Variants in CHST7 observed in about 807,000 individuals in gnomAD.
CHST7 encodes N-acetylglucosamine 6-O-sulfotransferase 4.
In CHST7, 5 loss-of-function variants were observed where a neutral mutation model predicts 9.0. The observed-to-expected ratio is 0.56, with a 90% CI of 0.29 to 1.17. CHST7 has a LOEUF of 1.17. Ranked by LOEUF, CHST7 falls within the 50% of genes most tolerant of loss-of-function variation. The pLI is 0.08. For synonymous variants in CHST7, 244 were observed against 237.1 expected (o/e 1.03, Z -0.27); for missense variants, 377 against 485.1 (o/e 0.78, Z 2.09).
Position 46,575,185 on chromosome X carries a change from G to T in CHST7, c.1254G>T (p.Arg418=). The change falls in exon 1 of 2, where the codon CGG becomes CGT. Residue 418 remains arginine, a synonymous_variant. Transcript: ENST00000276055. ...GCGGCGCGGCCTACGGCGCCGACCG[G>T]CCCTTCCACCTGTCAGCGCGCGACG... ...MTRGAAYGAD[R]PFHLSARDAR... is the part of the protein sequence containing the mutation. 5 of 1,103,811 alleles carry T rather than the reference G, an allele frequency of 4.5e-6. No homozygotes were observed. The highest frequency in any genetic ancestry group is 3.5e-6 in the Non-Finnish European group (3 of 851,168). The allele number at this position is 1,103,811 out of a possible 1,213,427, so 91.0% of individuals were successfully genotyped here.
At chrX:46,581,426 C>T (rs1428184958) in intron 1 of CHST7, among the ~76,000 whole-genome samples, 9 of 102,143 alleles carry the variant, frequency 8.8e-5, no homozygotes, top group Admixed American at 1.1e-4. Context: ...CATGGTGGCG[C>T]GTGCCTGTAA....
At position 46,575,165 on chromosome X, in the gene CHST7, G is replaced by A. The variant is rs762875012; in HGVS notation, c.1234G>A (p.Ala412Thr). ...DAFALNMTRG[A>T]AYGADRPFHL... is the part of the protein sequence containing the mutation. ...CTTCGCGCTCAACATGACTCGCGGCGCGGCCTACGGCGCCGACCGGCCCTT... is the reference window on the plus strand; with the variant it reads ...CTTCGCGCTCAACATGACTCGCGGCACGGCCTACGGCGCCGACCGGCCCTT... Residue 412 changes from alanine (A) to threonine (T), a missense_variant, in exon 1 of 2, where the codon GCG becomes ACG. By Grantham distance (58) the Ala-to-Thr change is moderately conservative. Coordinates refer to ENST00000276055, the MANE Select transcript of CHST7 (RefSeq NM_019886.4). The A allele has an allele frequency of 1.1e-5, 12 of 1,094,643 alleles. No homozygotes were observed. In the South Asian group the frequency reaches 2.2e-4, roughly 20 times the overall value. 90.2% of individuals were successfully genotyped at this position (1,094,643 alleles called of 1,213,427 possible). A position where few individuals can be genotyped will look rare whatever the true frequency, so the allele number is the denominator to read the frequency against.
intron 1 of CHST7, among the ~76,000 whole-genome samples, chrX:46,583,889 C>G (rs1382284363): frequency 8.9e-6 from 1 of 112,361 alleles, no homozygotes; most frequent in African/African-American, 3.2e-5. Flanking sequence ...AACCCCCACA[C>G]CCTTTGCAGC....
chrX:46,595,061 G>A (rs1247562432), intron 1 of CHST7, among the ~76,000 whole-genome samples: 1 of 112,017 alleles, frequency 8.9e-6, no homozygotes, highest in African/African-American at 3.2e-5. Context: ...TCAAATTTTT[G>A]TTATTGTATT....
intron 1 of CHST7, among the ~76,000 whole-genome samples, chrX:46,578,330 A>T (rs1411727585): frequency 1.3e-5 from 1 of 79,149 alleles, no homozygotes; most frequent in Non-Finnish European, 2.2e-5. Context: ...AGGCTGGAGT[A>T]CAGTGGTGTA....
chrX:46,583,011 GTTGGGAGTGAAGC>G (rs1343292639), intron 1 of CHST7, among the ~76,000 whole-genome samples: 1 of 107,503 alleles, frequency 9.3e-6, no homozygotes, highest in East Asian at 2.9e-4. Flanking sequence ...AATATAAATA[GTTGGGAGTGAAGC>G]TTTTGAAAAA....
intron 1 of CHST7, among the ~76,000 whole-genome samples, chrX:46,578,660 A>C (rs1942511290): frequency 9.1e-6 from 1 of 109,731 alleles, no homozygotes; most frequent in South Asian, 4.0e-4. Flanking sequence ...TCCTGAGCTC[A>C]AGCTATCTGC....
At chrX:46,580,810 T>C (rs771848324) in intron 1 of CHST7, among the ~76,000 whole-genome samples, 67 of 111,689 alleles carry the variant, frequency 6.0e-4, no homozygotes, top group Non-Finnish European at 8.3e-4. Context: ...TGAAGTCAGT[T>C]TTTGAATTAC....
intron 1 of CHST7, among the ~76,000 whole-genome samples, chrX:46,581,565 A>AT (rs1266333228): frequency 7.9e-5 from 8 of 101,270 alleles, no homozygotes; most frequent in Middle Eastern, 4.8e-3. Context: ...CAGAAAAAAA[A>AT]ATTGTAGAAA....
chrX:46,583,465 C>G (rs1283134191), intron 1 of CHST7, among the ~76,000 whole-genome samples: 2 of 111,956 alleles, frequency 1.8e-5, no homozygotes, highest in Admixed American at 1.9e-4. Context: ...CTCCCCGGCC[C>G]GCTTGGCACC....
chrX:46,596,452 G>T (rs971750981), intron 1 of CHST7, among the ~76,000 whole-genome samples: 1 of 110,455 alleles, frequency 9.1e-6, no homozygotes, highest in African/African-American at 3.3e-5. Context: ...GGGGTGGGGG[G>T]TAATGGTGTG....
chrX:46,577,909 C>CA (rs1942507074), intron 1 of CHST7, among the ~76,000 whole-genome samples: 1 of 112,158 alleles, frequency 8.9e-6, no homozygotes, highest in Admixed American at 9.5e-5. Context: ...ATCCTCCCCA[C>CA]AGGGCATCTC....
In CHST7 at chrX:46,597,859, C is replaced by T. The variant is rs919582028; in HGVS notation, c.*131C>T. 3 of 113,218 alleles carry T rather than the reference C, an allele frequency of 2.6e-5. No homozygotes were observed. Among genetic ancestry groups the T allele is most frequent in the African/African-American group, 9.6e-5 (3 of 31,137 alleles). The allele number at this position is 113,218 out of a possible 1,213,427, so 9.3% of individuals were successfully genotyped here. On this transcript the variant is annotated 3_prime_UTR_variant, in exon 2 of 2. Coordinates refer to ENST00000276055, the MANE Select transcript of CHST7 (RefSeq NM_019886.4). ...CACACTCTCAGAGTCTGGGACTTGA[C>T]TTGCTACCAACAACTGCTGTGCAAT... is the stretch of plus-strand genomic sequence containing the variant.
chrX:46,597,679 T>C (rs989079669), intron 1 of CHST7, 81 bp from the exon 2 acceptor site: 3 of 112,873 alleles, frequency 2.7e-5, no homozygotes, highest in Non-Finnish European at 3.7e-5. Flanking sequence ...AAAGGCCTTA[T>C]GTCATCAGGG....
At position 46,575,275 on chromosome X, in the gene CHST7, C is replaced by T. The variant is rs1254290107; in HGVS notation, c.1344C>T (p.Ala448=). 1 of 1,107,960 alleles carries T rather than the reference C, an allele frequency of 9.0e-7. No individual in the cohort carries two copies. The highest frequency in any genetic ancestry group is 1.2e-6 in the Non-Finnish European group (1 of 848,914). The allele number at this position is 1,107,960 out of a possible 1,213,427, so 91.3% of individuals were successfully genotyped here. ...LSREQVRQVE[A]ACAPAMRLLA... is the part of the protein sequence containing the mutation. The stretch of plus-strand genomic sequence containing the variant: ...GAGAGCAGGTGCGCCAGGTGGAGGC[C>T]GCCTGCGCTCCAGCCATGCGTCTGC... Residue 448 remains alanine (A), a synonymous_variant, in exon 1 of 2, where the codon GCC becomes GCT. Coordinates refer to ENST00000276055, the MANE Select transcript of CHST7 (RefSeq NM_019886.4).
At chrX:46,585,986 C>T (rs908480452) in intron 1 of CHST7, among the ~76,000 whole-genome samples, 3 of 111,710 alleles carry the variant, frequency 2.7e-5, no homozygotes, top group Non-Finnish European at 5.7e-5. Context: ...GACAAGTGAT[C>T]CGCCTGCCTC....
chrX:46,595,695 T>C (rs1942590635), intron 1 of CHST7, among the ~76,000 whole-genome samples: 1 of 111,588 alleles, frequency 9.0e-6, no homozygotes, highest in Admixed American at 9.6e-5. Flanking sequence ...GGTCATAGTA[T>C]TCCTCAGTTG....
At chrX:46,595,753 T>G (rs1194790843) in intron 1 of CHST7, among the ~76,000 whole-genome samples, 2 of 111,643 alleles carry the variant, frequency 1.8e-5, no homozygotes, top group Admixed American at 9.6e-5. Context: ...CTTCAGACTC[T>G]TATCTTTGTT....
At chrX:46,588,740 A>G (rs1942560693) in intron 1 of CHST7, among the ~76,000 whole-genome samples, 1 of 111,873 alleles carries the variant, frequency 8.9e-6, no homozygotes, top group Non-Finnish European at 1.9e-5. Context: ...TTTTTTTTTA[A>G]AGTGAAAGCC....
Sources: allele counts gnomAD v4.1 joint callset (sites outside exome capture counted in the v4.1 genomes callset), GRCh38; gene constraint gnomAD v4.1.1; transcripts MANE v1.5; gene names NCBI Gene and HGNC (gene_info 2026-07-23, HGNC 2026-07-21).